Variants in SPTBN4 observed in about 807,000 individuals in gnomAD.
SPTBN4 encodes spectrin beta chain, non-erythrocytic 4.
Under a neutral mutation model 277.8 loss-of-function variants are expected in SPTBN4, and 96 were observed. The ratio of observed to expected loss-of-function variants is 0.35; its 90% CI spans 0.29 to 0.41. SPTBN4 has a LOEUF of 0.41. Ranked by LOEUF, SPTBN4 falls within the 10% of genes least tolerant of loss-of-function variation. The pLI, the probability that SPTBN4 is intolerant of heterozygous loss-of-function variation, is 1.00. For synonymous variants in SPTBN4, 1,481 were observed against 1,580.3 expected, an observed-to-expected ratio of 0.94 and a Z score of 1.49; for missense variants, 3,006 against 3,595.7, an observed-to-expected ratio of 0.84 and a Z score of 4.19.
intron 13 of SPTBN4, among the ~76,000 whole-genome samples, chr19:40,512,116 C>A (rs2145863604): frequency 1.3e-5 from 2 of 152,316 alleles, no homozygotes; most frequent in South Asian, 4.1e-4. Flanking sequence ...GAGTAAGAAT[C>A]TGTCTCAAAC....
At chr19:40,506,132 G>A (rs1028053539) in intron 12 of SPTBN4, 104 bp from the exon 13 acceptor site, 44 of 1,432,756 alleles carry the variant, frequency 3.1e-5, no homozygotes, top group African/African-American at 5.6e-5. Flanking sequence ...GGTCAGAGTC[G>A]GGAGTGATGG....
intron 30 of SPTBN4, 45 bp downstream of exon 30, chr19:40,566,404 A>C: frequency 7.0e-7 from 1 of 1,435,050 alleles, no homozygotes; most frequent in African/African-American, 1.4e-5. Flanking sequence ...CCCCACCAAG[A>C]CCCCCACACC....
chr19:40,571,903 G>A, intron 33 of SPTBN4, 116 bp from the exon 34 acceptor site: 1 of 1,245,342 alleles, frequency 8.0e-7, no homozygotes, highest in Non-Finnish European at 1.1e-6. Context: ...GCGCAACTAG[G>A]GCGCAAAGGT....
chr19:40,549,519 CAT>C, intron 21 of SPTBN4, 106 bp downstream of exon 21: 2 of 895,732 alleles, frequency 2.2e-6, no homozygotes, highest in Non-Finnish European at 3.2e-6. Flanking sequence ...CCCTCCCACT[CAT>C]ACGCTGAAAG....
At chr19:40,552,507 A>G (rs904764611) in intron 22 of SPTBN4, among the ~76,000 whole-genome samples, 3 of 151,904 alleles carry the variant, frequency 2.0e-5, no homozygotes, top group African/African-American at 7.3e-5. Context: ...ACTGTGTGCT[A>G]AGTACTGTCT....
In SPTBN4 at chr19:40,572,179, G is replaced by A; in HGVS notation, c.7480G>A (p.Val2494Ile). 2 of 1,599,806 alleles carry A rather than the reference G, an allele frequency of 1.3e-6. No homozygotes were observed. Among genetic ancestry groups the A allele is most frequent in the South Asian group, 1.1e-5 (1 of 89,590 alleles). The change falls in exon 34 of 36, where the codon GTC (valine) becomes ATC (isoleucine). Residue 2494 changes from valine (V) to isoleucine (I), a missense_variant. Around this residue, in one of 5 missense-constraint regions of SPTBN4, gnomAD observed 630 missense variants for 677.6 expected, o/e 0.93. Coordinates refer to ENST00000598249, the MANE Select transcript of SPTBN4 (RefSeq NM_020971.3). ...TAGTGACTACAAGAAAAAGAAGCAT[G>A]TCTTCAAGCTCCAGTGAGCCCCCCA... ...VASDYKKKKH[V>I]FKLQTQDGSE...
intron 20 of SPTBN4, among the ~76,000 whole-genome samples, chr19:40,538,670 C>T (rs1057054082): frequency 5.9e-5 from 9 of 152,134 alleles, no homozygotes; most frequent in Non-Finnish European, 1.3e-4. Flanking sequence ...TCACTGCAGC[C>T]TTGAACTCCT....
chr19:40,533,237 A>G (rs1226316145), intron 19 of SPTBN4, among the ~76,000 whole-genome samples: 1 of 152,130 alleles, frequency 6.6e-6, no homozygotes, highest in Non-Finnish European at 1.5e-5. Context: ...TTGGAGCCTC[A>G]GTTTGCTGTT....
At chr19:40,524,630 G>C in intron 17 of SPTBN4, 1 of 456,204 alleles carries the variant, frequency 2.2e-6, no homozygotes, top group South Asian at 1.6e-5. Flanking sequence ...CCAGGCACAG[G>C]TGTGTTCCAG....
intron 15 of SPTBN4, among the ~76,000 whole-genome samples, chr19:40,516,753 G>A (rs2080465257): frequency 6.6e-6 from 1 of 152,136 alleles, no homozygotes; most frequent in South Asian, 2.1e-4. Context: ...GAACCCGGGA[G>A]GCAGAGGCTA....
At chr19:40,477,882 AG>A (rs1352433467) in intron 2 of SPTBN4, among the ~76,000 whole-genome samples, 1 of 152,052 alleles carries the variant, frequency 6.6e-6, no homozygotes, top group Non-Finnish European at 1.5e-5. Flanking sequence ...CTTGTTGTCC[AG>A]GCTGGAGTGC....
At chr19:40,540,889 G>A (rs2080794383) in intron 20 of SPTBN4, among the ~76,000 whole-genome samples, 1 of 146,428 alleles carries the variant, frequency 6.8e-6, no homozygotes, top group Non-Finnish European at 1.5e-5. Context: ...AGTGTTAAAA[G>A]TTAGAACCAT....
chr19:40,534,620 C>T, intron 20 of SPTBN4: 1 of 432,700 alleles, frequency 2.3e-6, no homozygotes, highest in South Asian at 2.9e-5. Flanking sequence ...TTTCACAGGA[C>T]CCTGACACTC....
intron 32 of SPTBN4, 92 bp downstream of exon 32, chr19:40,569,818 A>T: frequency 2.4e-6 from 3 of 1,248,094 alleles, no homozygotes; most frequent in Non-Finnish European, 3.3e-6. Context: ...TAGCCCTGGC[A>T]GGACCCATTC....
chr19:40,552,104 G>A (rs2080924057), intron 22 of SPTBN4, among the ~76,000 whole-genome samples: 1 of 151,724 alleles, frequency 6.6e-6, no homozygotes, highest in Non-Finnish European at 1.5e-5. Context: ...GATCACCTGA[G>A]GTCAGGAGTT....
At chr19:40,531,476 T>TG (rs2080672518) in intron 18 of SPTBN4, among the ~76,000 whole-genome samples, 3 of 86,286 alleles carry the variant, frequency 3.5e-5, no homozygotes, top group African/African-American at 1.5e-4. Context: ...TTTTTTTTTT[T>TG]TTTTTTTTTT....
chr19:40,495,109 C>T, intron 6 of SPTBN4, 132 bp downstream of exon 6: 1 of 781,066 alleles, frequency 1.3e-6, no homozygotes, highest in Non-Finnish European at 2.1e-6. Context: ...TCTACACACA[C>T]ATACAGTTTT....
rs773653642 is a variant in SPTBN4, at chr19:40,485,347, G to A, written c.170-2350G>A. Among the ~76,000 whole-genome samples, 7 of 151,958 alleles carry A rather than the reference G, an allele frequency of 4.6e-5. No homozygotes were observed. In the South Asian group the frequency reaches 1.0e-3, roughly 23 times the overall value. The stretch of plus-strand genomic sequence containing the variant: ...TGTATTTTTAGAAGAGACAGTGTTC[G>A]AGAGGCTGGTCTCGAACTCCTGAGC... On this transcript the variant is annotated intron_variant, in intron 2 of 35. Coordinates refer to ENST00000598249, the MANE Select transcript of SPTBN4 (RefSeq NM_020971.3).
At chr19:40,553,908 T>C (rs546763152) in intron 22 of SPTBN4, among the ~76,000 whole-genome samples, 1 of 152,298 alleles carries the variant, frequency 6.6e-6, no homozygotes, top group Non-Finnish European at 1.5e-5. Flanking sequence ...TACTGGCTGC[T>C]TGTTCTTGGG....
Sources: allele counts gnomAD v4.1 joint callset (sites outside exome capture counted in the v4.1 genomes callset), GRCh38; gene constraint gnomAD v4.1.1; regional missense constraint gnomAD v4.1.1; transcripts MANE v1.5; gene names NCBI Gene and HGNC (gene_info 2026-07-23, HGNC 2026-07-21).